SPIDR: variants seen among roughly 807,000 people sequenced by gnomAD.
SPIDR encodes scaffold protein involved in DNA repair.
In SPIDR, 93 loss-of-function variants were observed where a neutral mutation model predicts 104.6. The ratio of observed to expected loss-of-function variants is 0.89; its 90% CI spans 0.75 to 1.06. The LOEUF (loss-of-function observed/expected upper bound fraction) is 1.06, where lower values mean the gene tolerates loss of function less well. Ranked by LOEUF, SPIDR falls within the 50% of genes least tolerant of loss-of-function variation. SPIDR has a pLI of 0.00. For synonymous variants in SPIDR, 431 were observed against 416.9 expected (o/e 1.03, Z -0.41); for missense variants, 1,154 against 1,111.2 (o/e 1.04, Z -0.55).
chr8:47,451,221 A>T (rs1389973799), intron 8 of SPIDR, among the ~76,000 whole-genome samples: 1 of 152,210 alleles, frequency 6.6e-6, no homozygotes, highest in Non-Finnish European at 1.5e-5. Context: ...ATCAGTAAAG[A>T]TACTGAAATT....
In SPIDR at chr8:47,700,127, TA is replaced by T. The variant is rs539786372; in HGVS notation, c.1686-274del. The stretch of plus-strand genomic sequence containing the variant: ...TATCACAAACATGTTTCCATGTCCA[TA>T]AGTATTTTCTTTGTAACCATTTCAG... On this transcript the variant is annotated intron_variant, in intron 11 of 19. Coordinates refer to ENST00000297423, the MANE Select transcript of SPIDR (RefSeq NM_001080394.4). 2.9e-3 allele frequency among the ~76,000 whole-genome samples: 435 copies of T among 152,342 alleles called. 1 individual carries two copies. Among genetic ancestry groups the T allele is most frequent in the Non-Finnish European group, 4.9e-3 (330 of 68,028 alleles).
intron 8 of SPIDR, among the ~76,000 whole-genome samples, chr8:47,585,438 A>G (rs1174612031): frequency 6.6e-6 from 1 of 152,086 alleles, no homozygotes; most frequent in Non-Finnish European, 1.5e-5. Flanking sequence ...TAAATTTTTT[A>G]TTTTTAGATA....
intron 10 of SPIDR, among the ~76,000 whole-genome samples, chr8:47,645,816 C>T (rs533099047): frequency 4.6e-5 from 7 of 151,936 alleles, no homozygotes; most frequent in African/African-American, 7.2e-5. Flanking sequence ...GAAATGAATT[C>T]GATTTACACT....
chr8:47,451,875 A>C (rs949378617), intron 8 of SPIDR, among the ~76,000 whole-genome samples: 1 of 152,282 alleles, frequency 6.6e-6, no homozygotes, highest in African/African-American at 2.4e-5. Flanking sequence ...CCAGCCCCTC[A>C]GTGATCAAGC....
At chr8:47,496,853 T>G (rs2079543784) in intron 8 of SPIDR, among the ~76,000 whole-genome samples, 1 of 150,996 alleles carries the variant, frequency 6.6e-6, no homozygotes, top group African/African-American at 2.5e-5. Flanking sequence ...TGTCAGAAGT[T>G]TTAAGTTACT....
chr8:47,677,610 A>G (rs976435346), intron 11 of SPIDR, among the ~76,000 whole-genome samples: 1 of 152,216 alleles, frequency 6.6e-6, no homozygotes, highest in Non-Finnish European at 1.5e-5. Context: ...GTGTCTACAG[A>G]GGGTGCTGTC....
At chr8:47,662,624 T>G (rs1043712312) in intron 10 of SPIDR, among the ~76,000 whole-genome samples, 1 of 152,204 alleles carries the variant, frequency 6.6e-6, no homozygotes, top group African/African-American at 2.4e-5. Flanking sequence ...CAAGAGAAAA[T>G]AATTTTTATC....
intron 11 of SPIDR, among the ~76,000 whole-genome samples, chr8:47,695,216 C>T (rs979628301): frequency 1.3e-5 from 2 of 152,020 alleles, no homozygotes; most frequent in Non-Finnish European, 2.9e-5. Context: ...GAACCTCCAG[C>T]GACCCCCAGA....
intron 10 of SPIDR, among the ~76,000 whole-genome samples, chr8:47,612,914 T>A (rs1447510645): frequency 1.3e-5 from 2 of 152,222 alleles, no homozygotes; most frequent in African/African-American, 4.8e-5. Context: ...AGGAAATGGA[T>A]GCTATGCGGC....
At chr8:47,273,022 T>G (rs2035648958) in intron 1 of SPIDR, among the ~76,000 whole-genome samples, 1 of 152,194 alleles carries the variant, frequency 6.6e-6, no homozygotes, top group Non-Finnish European at 1.5e-5. Flanking sequence ...CACAGTACAC[T>G]TCTATGCCCA....
In SPIDR at chr8:47,642,643, G is replaced by A. The variant is rs368201260; in HGVS notation, c.1545-31158G>A. Among the ~76,000 whole-genome samples, 42 of 152,106 alleles carry A rather than the reference G, an allele frequency of 2.8e-4. No individual in the cohort carries two copies. In the South Asian group the frequency reaches 6.0e-3, roughly 22 times the overall value. ...TGAAAAGCAACTGTGGACTGGCCAC[G>A]GTGATTTATCCCTTTAATCCCGGCA... On this transcript the variant is annotated intron_variant, in intron 10 of 19. Transcript: ENST00000297423.
chr8:47,285,285 A>G (rs993457191), intron 3 of SPIDR, among the ~76,000 whole-genome samples: 2 of 152,210 alleles, frequency 1.3e-5, no homozygotes, highest in South Asian at 2.1e-4. Context: ...AAGAGGTTCT[A>G]TGCAAATGAA....
chr8:47,515,453 A>G (rs1427023048), intron 8 of SPIDR, among the ~76,000 whole-genome samples: 1 of 152,172 alleles, frequency 6.6e-6, no homozygotes, highest in East Asian at 1.9e-4. Context: ...GTCCTCTGGT[A>G]TAGAAAAGAC....
chr8:47,667,423 C>A (rs1457816655), intron 10 of SPIDR, among the ~76,000 whole-genome samples: 16 of 143,816 alleles, frequency 1.1e-4, no homozygotes, highest in African/African-American at 3.8e-4. Flanking sequence ...ATAGCAAGAC[C>A]TCGTCTCTTC....
At chr8:47,383,228 A>C (rs2059525783) in intron 5 of SPIDR, among the ~76,000 whole-genome samples, 1 of 151,298 alleles carries the variant, frequency 6.6e-6, no homozygotes. Flanking sequence ...AGCATTTAAA[A>C]CTCCAAATAG....
intron 10 of SPIDR, among the ~76,000 whole-genome samples, chr8:47,637,815 C>G (rs776248585): frequency 6.6e-6 from 1 of 152,166 alleles, no homozygotes; most frequent in African/African-American, 2.4e-5. Flanking sequence ...TTCCTCCTTT[C>G]CATCCTAAAG....
At chr8:47,429,305 T>A (rs1002648233) in intron 7 of SPIDR, among the ~76,000 whole-genome samples, 25 of 152,330 alleles carry the variant, frequency 1.6e-4, no homozygotes, top group African/African-American at 5.8e-4. Context: ...ACATTCTTTG[T>A]CACACACTCA....
At chr8:47,509,619 G>C (rs1304253433) in intron 8 of SPIDR, among the ~76,000 whole-genome samples, 1 of 152,126 alleles carries the variant, frequency 6.6e-6, no homozygotes, top group Non-Finnish European at 1.5e-5. Context: ...AAAAAAGCAA[G>C]TCGCATAACT....
intron 7 of SPIDR, among the ~76,000 whole-genome samples, chr8:47,434,478 G>A (rs1207941795): frequency 2.0e-5 from 3 of 152,174 alleles, no homozygotes; most frequent in Non-Finnish European, 4.4e-5. Context: ...TATCTCTGAA[G>A]ATAAAGAGAG....
Sources: allele counts gnomAD v4.1 joint callset (sites outside exome capture counted in the v4.1 genomes callset), GRCh38; gene constraint gnomAD v4.1.1; transcripts MANE v1.5; gene names NCBI Gene and HGNC (gene_info 2026-07-23, HGNC 2026-07-21).